FRMPD3: variants seen among roughly 807,000 people sequenced by gnomAD.
FRMPD3 encodes the protein FERM and PDZ domain containing 3.
In FRMPD3, 42 loss-of-function variants were observed where a neutral mutation model predicts 97.9. That is an observed-to-expected ratio of 0.43 (90% CI 0.34 to 0.55). FRMPD3 has a LOEUF of 0.55. Ranked by LOEUF, FRMPD3 falls within the 20% of genes least tolerant of loss-of-function variation. FRMPD3 has a pLI of 0.03. For synonymous variants in FRMPD3, 577 were observed against 581.1 expected (o/e 0.99, Z 0.10); for missense variants, 1,303 against 1,457.7 (o/e 0.89, Z 1.73).
At chrX:107,466,469 G>A (rs771575317) in intron 1 of FRMPD3, among the ~76,000 whole-genome samples, 4 of 112,316 alleles carry the variant, frequency 3.6e-5, no homozygotes, top group Non-Finnish European at 7.5e-5. Flanking sequence ...CTTCTCAGCT[G>A]GGGGCTTTCC....
intron 1 of FRMPD3, among the ~76,000 whole-genome samples, chrX:107,520,937 A>C (rs919850524): frequency 3.6e-5 from 4 of 111,760 alleles, no homozygotes; most frequent in Non-Finnish European, 5.6e-5. Flanking sequence ...GTCCTCAATA[A>C]ATGGCAGCTG....
At chrX:107,480,930 AAG>A (rs772105968) in intron 1 of FRMPD3, among the ~76,000 whole-genome samples, 5 of 109,085 alleles carry the variant, frequency 4.6e-5, no homozygotes, top group African/African-American at 1.7e-4. Flanking sequence ...GAAAGAAAGA[AAG>A]AAAGAAAGAA....
At position 107,462,363 on chromosome X, in the gene FRMPD3, G is replaced by T. The variant is rs182760761; in HGVS notation, c.-8+12358G>T. On this transcript the variant is annotated intron_variant, in intron 1 of 14. Coordinates refer to ENST00000683843, the MANE Select transcript of FRMPD3 (RefSeq NM_001388459.1). ...AGGCCTGATCCAGACACACATTGCA[G>T]GGGCTCAACAAACACTAATTAGTAG... 7.7e-4 allele frequency among the ~76,000 whole-genome samples: 86 copies of T among 111,786 alleles called. 1 individual carries two copies. The highest frequency in any genetic ancestry group is 2.7e-3 in the African/African-American group (83 of 30,807).
intron 12 of FRMPD3, among the ~76,000 whole-genome samples, chrX:107,568,712 G>A (rs1301293675): frequency 9.2e-6 from 1 of 108,879 alleles, no homozygotes; most frequent in African/African-American, 3.3e-5. Flanking sequence ...CCAGCCTGGG[G>A]GACAAAGTGA....
At chrX:107,557,883 T>C (rs1211272258) in intron 8 of FRMPD3, among the ~76,000 whole-genome samples, 1 of 96,268 alleles carries the variant, frequency 1.0e-5, no homozygotes, top group Non-Finnish European at 2.1e-5. Context: ...TTGGTCTACT[T>C]GTCTGTCGTT....
At chrX:107,540,090 T>C (rs1921221753) in intron 4 of FRMPD3, among the ~76,000 whole-genome samples, 1 of 111,689 alleles carries the variant, frequency 9.0e-6, no homozygotes, top group Non-Finnish European at 1.9e-5. Flanking sequence ...CAAAAGGTGA[T>C]CTTGGAGAGA....
intron 1 of FRMPD3, among the ~76,000 whole-genome samples, chrX:107,501,593 G>A (rs982000826): frequency 1.0e-5 from 1 of 99,090 alleles, no homozygotes; most frequent in African/African-American, 3.7e-5. Flanking sequence ...CTGCACCTTA[G>A]AATCACCTGG....
rs1215666846 is a variant in FRMPD3 at position 107,479,865 on chromosome X, CAGAGAG to C, written c.-8+29869_-8+29874del. On this transcript the variant is annotated intron_variant, in intron 1 of 14. Transcript: ENST00000683843. ...ACACACACACACACACACACACACA[CAGAGAG>C]AGAGAGAGGGTGCAAAACTGGCCAA... Among the ~76,000 whole-genome samples the C allele has an allele frequency of 1.1e-3, 66 of 57,886 alleles. 1 individual carries two copies. The highest frequency in any genetic ancestry group is 3.3e-3 in the African/African-American group (62 of 18,630). 50.3% of individuals were successfully genotyped at this position (57,886 alleles called of 115,157 possible). A position where few individuals can be genotyped will look rare whatever the true frequency, so the allele number is the denominator to read the frequency against.
chrX:107,481,761 T>A (rs1403646260), intron 1 of FRMPD3, among the ~76,000 whole-genome samples: 2 of 112,114 alleles, frequency 1.8e-5, no homozygotes, highest in Non-Finnish European at 1.9e-5. Context: ...TCTTTCTAAG[T>A]CATGTTTGAG....
intron 4 of FRMPD3, among the ~76,000 whole-genome samples, chrX:107,533,855 A>G (rs1923097520): frequency 8.9e-6 from 1 of 112,330 alleles, no homozygotes; most frequent in African/African-American, 3.2e-5. Context: ...GTACTCCATT[A>G]AAATGTATCT....
chrX:107,593,790 T>C (rs928099679), intron 13 of FRMPD3, among the ~76,000 whole-genome samples: 1 of 112,109 alleles, frequency 8.9e-6, no homozygotes, highest in Non-Finnish European at 1.9e-5. Context: ...CCTCGTAGTA[T>C]AGTTTGAAAT....
intron 8 of FRMPD3, among the ~76,000 whole-genome samples, chrX:107,555,641 G>T (rs975157437): frequency 1.8e-5 from 2 of 112,084 alleles, no homozygotes; most frequent in Non-Finnish European, 3.8e-5. Context: ...GGAAAATGCT[G>T]TGCCCCATCC....
rs759791679 is a variant in FRMPD3 at position 107,601,527 on chromosome X, C to G, written c.3488C>G (p.Pro1163Arg). The change falls in exon 15 of 15, where the codon CCC (proline) becomes CGC (arginine). Residue 1163 changes from proline to arginine, a missense_variant. By Grantham distance (103) the Pro-to-Arg change is moderately radical. Transcript: ENST00000683843. ...SPSSQSRGQS[P>R]SCQPRGQSPL... The stretch of plus-strand genomic sequence containing the variant: ...AGCAGCCAGTCTCGAGGTCAGAGCC[C>G]CAGCTGCCAACCTCGAGGCCAGAGC... 7 of 1,175,863 alleles carry G rather than the reference C, an allele frequency of 6.0e-6. No individual in the cohort carries two copies. The African/African-American group carries it at 1.1e-4, about 18-fold the overall frequency.
intron 13 of FRMPD3, among the ~76,000 whole-genome samples, chrX:107,577,345 G>A (rs766554280): frequency 9.3e-5 from 10 of 107,241 alleles, no homozygotes; most frequent in Non-Finnish European, 1.7e-4. Flanking sequence ...TTAGCTGGAC[G>A]TGGTGGTGTG....
At chrX:107,472,673 TG>T (rs1199134735) in intron 1 of FRMPD3, among the ~76,000 whole-genome samples, 1 of 111,896 alleles carries the variant, frequency 8.9e-6, no homozygotes, top group Non-Finnish European at 1.9e-5. Context: ...CTGTTGGGTC[TG>T]AGGCGCTAGG....
chrX:107,529,147 G>A (rs751656889), intron 2 of FRMPD3, among the ~76,000 whole-genome samples: 3 of 112,120 alleles, frequency 2.7e-5, no homozygotes, highest in African/African-American at 6.5e-5. Context: ...TTCTCTCCAA[G>A]TCTCTGAGAA....
At chrX:107,537,566 T>G (rs1921049562) in intron 4 of FRMPD3, among the ~76,000 whole-genome samples, 2 of 111,699 alleles carry the variant, frequency 1.8e-5, no homozygotes, top group Non-Finnish European at 3.8e-5. Context: ...GAGCAGAATC[T>G]TGAAGGCCTC....
At chrX:107,469,298 G>A (rs956665089) in intron 1 of FRMPD3, among the ~76,000 whole-genome samples, 1 of 111,933 alleles carries the variant, frequency 8.9e-6, no homozygotes, top group Non-Finnish European at 1.9e-5. Flanking sequence ...CAAAAGGCAA[G>A]GAGAAGCAAG....
Position 107,482,283 on chromosome X carries a change from C to T in FRMPD3, c.-8+32278C>T, listed in dbSNP as rs184752635. Reference sequence around the variant, plus strand: ...CTCCAGCCTGCTCCCCCTCCTTCTCCTTTGTCAGCAGAGGCTTACTGGAAA... The same window carrying T: ...CTCCAGCCTGCTCCCCCTCCTTCTCTTTTGTCAGCAGAGGCTTACTGGAAA... On this transcript the variant is annotated intron_variant, in intron 1 of 14. Coordinates refer to ENST00000683843, the MANE Select transcript of FRMPD3 (RefSeq NM_001388459.1). Among the ~76,000 whole-genome samples, 13 of 111,478 alleles carry T rather than the reference C, an allele frequency of 1.2e-4. No individual in the cohort carries two copies. The East Asian group carries it at 3.7e-3, about 31-fold the overall frequency.
Sources: allele counts gnomAD v4.1 joint callset (sites outside exome capture counted in the v4.1 genomes callset), GRCh38; gene constraint gnomAD v4.1.1; transcripts MANE v1.5; gene names NCBI Gene and HGNC (gene_info 2026-07-23, HGNC 2026-07-21).